CEMIP: variants seen among roughly 807,000 people sequenced by gnomAD.
The protein encoded by CEMIP is cell migration inducing hyaluronidase 1, also known as cell migration-inducing and hyaluronan-binding protein.
A neutral mutation model predicts 156.9 loss-of-function variants in CEMIP; 105 were observed. That is an observed-to-expected ratio of 0.67 (90% CI 0.57 to 0.79). The LOEUF (loss-of-function observed/expected upper bound fraction) is 0.79. Among genes scored for constraint, CEMIP ranks in the 30% least tolerant of loss-of-function variants. CEMIP has a pLI of 0.00. For synonymous variants in CEMIP, 676 were observed against 668.4 expected, an observed-to-expected ratio of 1.01 and a Z score of -0.17; for missense variants, 1,457 against 1,769.4, an observed-to-expected ratio of 0.82 and a Z score of 3.17.
At chr15:80,779,852 G>C (rs78014545) in intron 1 of CEMIP, among the ~76,000 whole-genome samples, 1 of 152,258 alleles carries the variant, frequency 6.6e-6, no homozygotes, top group Non-Finnish European at 1.5e-5. Context: ...CTGAGATCTT[G>C]TGATGCTTTA....
At chr15:80,806,475 C>T (rs966950178) in intron 1 of CEMIP, among the ~76,000 whole-genome samples, 4 of 152,028 alleles carry the variant, frequency 2.6e-5, no homozygotes, top group African/African-American at 9.7e-5. Flanking sequence ...ATGGGATGAC[C>T]CAAGAGAATA....
intron 28 of CEMIP, among the ~76,000 whole-genome samples, 181 bp downstream of exon 28, chr15:80,943,283 G>T (rs1054740837): frequency 2.6e-5 from 4 of 152,240 alleles, no homozygotes; most frequent in Admixed American, 2.0e-4. Context: ...GGACTCTGGT[G>T]TTGGAGCTGG....
At chr15:80,927,528 T>G (rs953641206) in intron 19 of CEMIP, among the ~76,000 whole-genome samples, 1 of 152,216 alleles carries the variant, frequency 6.6e-6, no homozygotes, top group Non-Finnish European at 1.5e-5. Flanking sequence ...TTTCAGAGTT[T>G]AGGTCCCTTA....
At chr15:80,892,779 G>A (rs79077633) in intron 10 of CEMIP, among the ~76,000 whole-genome samples, 1,802 of 152,306 alleles carry the variant, frequency 0.012, 12 homozygotes, top group Non-Finnish European at 0.018. Flanking sequence ...TTAGTGTCTC[G>A]TTTCCTCACA....
At chr15:80,811,987 C>T (rs573339177) in intron 1 of CEMIP, among the ~76,000 whole-genome samples, 6 of 152,194 alleles carry the variant, frequency 3.9e-5, no homozygotes, top group Admixed American at 3.9e-4. Context: ...TTTGCTTTGA[C>T]TCCACGTCCC....
chr15:80,907,554 C>T (rs1053787702), intron 13 of CEMIP, among the ~76,000 whole-genome samples: 5 of 152,118 alleles, frequency 3.3e-5, no homozygotes, highest in African/African-American at 1.2e-4. Flanking sequence ...AGTGAGACTC[C>T]ATCTCAAAAC....
chr15:80,947,240 C>T (rs190394356), intron 29 of CEMIP, 175 bp downstream of exon 29: 10 of 604,516 alleles, frequency 1.7e-5, no homozygotes, highest in East Asian at 1.4e-4. Context: ...GGCAAGATGC[C>T]ACCTGTTTAC....
At chr15:80,809,242 A>G (rs766438637) in intron 1 of CEMIP, among the ~76,000 whole-genome samples, 4 of 152,210 alleles carry the variant, frequency 2.6e-5, no homozygotes, top group Non-Finnish European at 5.9e-5. Context: ...GAATAATTGG[A>G]AACCTCCCAA....
Position 80,782,610 on chromosome 15 carries a change from A to AGT in CEMIP, c.-176+3008_-176+3009dup, listed in dbSNP as rs372957088. On this transcript the variant is annotated intron_variant, in intron 1 of 29. Transcript: ENST00000394685. ...AGTTAGAGTTTTCTCCCCCCACAAA[A>AGT]GTGTGTGTGTGTGCGTGCATGTGAG... Among the ~76,000 whole-genome samples the AGT allele has an allele frequency of 3.7e-3, 560 of 151,930 alleles. 10 individuals are homozygous for AGT. Among genetic ancestry groups the AGT allele is most frequent in the Admixed American group, 0.018 (278 of 15,284 alleles).
chr15:80,924,523 C>A, intron 17 of CEMIP, 98 bp from the exon 18 acceptor site: 1 of 1,034,558 alleles, frequency 9.7e-7, no homozygotes, highest in Middle Eastern at 2.0e-4. Flanking sequence ...AGCTGGTTTT[C>A]CCGGAGCATT....
chr15:80,845,778 T>C (rs1004359630), intron 1 of CEMIP, among the ~76,000 whole-genome samples: 1 of 152,136 alleles, frequency 6.6e-6, no homozygotes, highest in Admixed American at 6.5e-5. Flanking sequence ...ATCCTGTCAG[T>C]GAGCTAGATC....
chr15:80,925,738 G>T lies in CEMIP; in HGVS notation c.2403G>T (p.Val801=), dbSNP rs1394419911. 1.1e-5 allele frequency: 18 copies of T among 1,612,872 alleles called. No homozygotes were observed. Among genetic ancestry groups the T allele is most frequent in the Non-Finnish European group, 1.4e-5 (17 of 1,179,906 alleles). Residue 801 remains valine (V), a synonymous_variant, in exon 19 of 30, where the codon GTG becomes GTT. Coordinates refer to ENST00000394685, the MANE Select transcript of CEMIP (RefSeq NM_001293298.2). ...DHGAWLRGGD[V]WLDSCRFADN... Reference sequence around the variant, plus strand: ...GGGCCTGGCTGCGCGGCGGGGATGTGTGGCTGGACAGCTGCCGGTGAGTCA... The same window carrying T: ...GGGCCTGGCTGCGCGGCGGGGATGTTTGGCTGGACAGCTGCCGGTGAGTCA...
intron 23 of CEMIP, among the ~76,000 whole-genome samples, chr15:80,934,395 C>A (rs910851245): frequency 2.6e-5 from 4 of 152,104 alleles, no homozygotes; most frequent in African/African-American, 4.8e-5. Context: ...TAGATGGTGC[C>A]TAGAACAGGG....
chr15:80,921,278 C>T (rs1232877298), intron 16 of CEMIP, among the ~76,000 whole-genome samples, 177 bp downstream of exon 16: 2 of 151,910 alleles, frequency 1.3e-5, no homozygotes, highest in Non-Finnish European at 2.9e-5. Flanking sequence ...GGGCAGGGGG[C>T]GTTCTTTGGA....
intron 1 of CEMIP, among the ~76,000 whole-genome samples, chr15:80,791,682 G>T (rs1323694910): frequency 6.6e-6 from 1 of 152,194 alleles, no homozygotes; most frequent in Non-Finnish European, 1.5e-5. Context: ...CAGGGCTGGG[G>T]TGAGGAGGGT....
chr15:80,857,694 G>T (rs1008694768), intron 1 of CEMIP, among the ~76,000 whole-genome samples: 21 of 152,142 alleles, frequency 1.4e-4, no homozygotes, highest in Non-Finnish European at 2.8e-4. Context: ...GATGTTGCTG[G>T]TCCCTTGACC....
At chr15:80,937,439 C>T (rs1901172673) in intron 24 of CEMIP, among the ~76,000 whole-genome samples, 1 of 152,236 alleles carries the variant, frequency 6.6e-6, no homozygotes, top group Non-Finnish European at 1.5e-5. Flanking sequence ...ATCGGCCCTA[C>T]AATCAAGCTG....
At chr15:80,892,920 C>T (rs897656762) in intron 10 of CEMIP, among the ~76,000 whole-genome samples, 1 of 152,186 alleles carries the variant, frequency 6.6e-6, no homozygotes, top group Non-Finnish European at 1.5e-5. Context: ...GGACTGGTGG[C>T]CCACGCCGGT....
At chr15:80,945,588 T>C (rs778008181) in intron 28 of CEMIP, among the ~76,000 whole-genome samples, 2 of 152,184 alleles carry the variant, frequency 1.3e-5, no homozygotes, top group Non-Finnish European at 2.9e-5. Context: ...CAGCCCCAGC[T>C]CCCTTCCCAT....
Sources: allele counts gnomAD v4.1 joint callset (sites outside exome capture counted in the v4.1 genomes callset), GRCh38; gene constraint gnomAD v4.1.1; transcripts MANE v1.5; gene names NCBI Gene and HGNC (gene_info 2026-07-23, HGNC 2026-07-21).